Variants in PPFIA2 observed in about 807,000 individuals in gnomAD.
The protein encoded by PPFIA2 is PPFI scaffold protein A2.
Under a neutral mutation model 175.5 loss-of-function variants are expected in PPFIA2, and 46 were observed. That is an observed-to-expected ratio of 0.26 (90% CI 0.21 to 0.34). The LOEUF is 0.34. Among genes scored for constraint, PPFIA2 ranks in the 10% least tolerant of loss-of-function variants. The pLI is 1.00. For missense variants in PPFIA2, 1,179 were observed against 1,506.1 expected (o/e 0.78, Z 3.60); for synonymous variants, 568 against 511.4 (o/e 1.11, Z -1.49).
intron 4 of PPFIA2, among the ~76,000 whole-genome samples, chr12:81,663,237 G>A (rs1269015346): frequency 6.6e-6 from 1 of 152,176 alleles, no homozygotes. Flanking sequence ...TAGGAAAAGA[G>A]GAAGTCAAAT....
intron 4 of PPFIA2, among the ~76,000 whole-genome samples, chr12:81,533,972 G>C (rs1440950830): frequency 6.6e-6 from 1 of 151,324 alleles, no homozygotes; most frequent in African/African-American, 2.4e-5. Context: ...ATACACAATA[G>C]AATACAATTT....
At chr12:81,715,037 T>C (rs1270058170) in intron 3 of PPFIA2, among the ~76,000 whole-genome samples, 1 of 151,012 alleles carries the variant, frequency 6.6e-6, no homozygotes, top group Non-Finnish European at 1.5e-5. Flanking sequence ...AAACTCCCTA[T>C]GTCATTCTTC....
chr12:81,750,727 A>G (rs1413883800), intron 3 of PPFIA2, among the ~76,000 whole-genome samples: 1 of 152,204 alleles, frequency 6.6e-6, no homozygotes, highest in Non-Finnish European at 1.5e-5. Flanking sequence ...ATTGTTAAAA[A>G]TTATTGTTGC....
intron 4 of PPFIA2, among the ~76,000 whole-genome samples, chr12:81,533,583 G>T (rs1163269950): frequency 6.6e-6 from 1 of 151,370 alleles, no homozygotes; most frequent in African/African-American, 2.4e-5. Flanking sequence ...TGCAAAAATT[G>T]CTCTGAATAA....
chr12:81,317,883 T>C (rs1328069536), intron 22 of PPFIA2, among the ~76,000 whole-genome samples: 1 of 151,680 alleles, frequency 6.6e-6, no homozygotes, highest in Non-Finnish European at 1.5e-5. Flanking sequence ...GTTCAAACTC[T>C]CAGCCAAAAG....
At chr12:81,744,045 GT>G (rs1265612399) in intron 3 of PPFIA2, among the ~76,000 whole-genome samples, 1 of 152,108 alleles carries the variant, frequency 6.6e-6, no homozygotes, top group African/African-American at 2.4e-5. Context: ...TAATTCTTTT[GT>G]ATGTAAGACA....
At chr12:81,354,634 C>A (rs2060581971) in intron 16 of PPFIA2, among the ~76,000 whole-genome samples, 3 of 151,150 alleles carry the variant, frequency 2.0e-5, no homozygotes, top group Non-Finnish European at 1.5e-5. Flanking sequence ...GTCTTCTTAA[C>A]TCTTATTAAG....
Position 81,602,569 on chromosome 12 carries a change from G to A in PPFIA2, c.303+74222C>T, listed in dbSNP as rs192462373. Among the ~76,000 whole-genome samples, 26 of 151,848 alleles carry A rather than the reference G, an allele frequency of 1.7e-4. No homozygotes were observed. The East Asian group carries it at 3.5e-3, about 20-fold the overall frequency. On this transcript the variant is annotated intron_variant, in intron 4 of 32. Transcript: ENST00000549396. ...AAATACCTTGATTAAATCAACCTCC[G>A]ATTTTGTTGAAAGCTAACAACCAGA... is the stretch of plus-strand genomic sequence containing the variant.
intron 4 of PPFIA2, among the ~76,000 whole-genome samples, chr12:81,639,868 C>T (rs747167929): frequency 1.5e-4 from 23 of 152,046 alleles, no homozygotes; most frequent in Admixed American, 2.0e-4. Flanking sequence ...GTGAGCCATA[C>T]AGGAAAGAAT....
rs941123166 is a variant in PPFIA2 at position 81,600,001 on chromosome 12, C to A, written c.303+76790G>T. On this transcript the variant is annotated intron_variant, in intron 4 of 32. Coordinates refer to ENST00000549396, the MANE Select transcript of PPFIA2 (RefSeq NM_003625.5). ...CAGATAACATTATTAATGATGTCAA[C>A]CTTTGTCATTTGACAAACAAAGTTT... Among the ~76,000 whole-genome samples, 8 of 151,910 alleles carry A rather than the reference C, an allele frequency of 5.3e-5. No homozygotes were observed. The East Asian group carries it at 1.5e-3, about 29-fold the overall frequency.
chr12:81,700,584 A>G (rs1205362722), intron 3 of PPFIA2, among the ~76,000 whole-genome samples: 1 of 152,126 alleles, frequency 6.6e-6, no homozygotes, highest in Non-Finnish European at 1.5e-5. Flanking sequence ...TGTGTTTCCA[A>G]ACAATTTTCT....
intron 14 of PPFIA2, 33 bp downstream of exon 14, chr12:81,367,075 A>C: frequency 6.9e-7 from 1 of 1,453,470 alleles, no homozygotes; most frequent in Non-Finnish European, 9.1e-7. Flanking sequence ...ATAAAAATAG[A>C]AAATGGGCCC....
intron 4 of PPFIA2, among the ~76,000 whole-genome samples, chr12:81,645,312 C>A (rs2065914150): frequency 6.6e-6 from 1 of 151,890 alleles, no homozygotes; most frequent in Non-Finnish European, 1.5e-5. Context: ...CTGTCTGGTC[C>A]CTCAGTTCCT....
chr12:81,288,011 A>AT (rs535606320), intron 24 of PPFIA2, among the ~76,000 whole-genome samples: 206 of 151,918 alleles, frequency 1.4e-3, no homozygotes, highest in Non-Finnish European at 2.4e-3. Flanking sequence ...ACCAATAGTC[A>AT]TTTTTTTGTG....
intron 4 of PPFIA2, among the ~76,000 whole-genome samples, chr12:81,634,729 C>T (rs1048966649): frequency 6.6e-6 from 1 of 151,972 alleles, no homozygotes; most frequent in Non-Finnish European, 1.5e-5. Flanking sequence ...TTTGCTTCAA[C>T]CATTAAACAT....
intron 28 of PPFIA2, among the ~76,000 whole-genome samples, chr12:81,273,429 T>C (rs2136521292): frequency 6.6e-6 from 1 of 152,274 alleles, no homozygotes; most frequent in South Asian, 2.1e-4. Flanking sequence ...TCATAACCTC[T>C]CAAGTCTTGT....
At chr12:81,311,732 C>CAAAAAAAAA (rs1050904857) in intron 22 of PPFIA2, among the ~76,000 whole-genome samples, 2 of 48,322 alleles carry the variant, frequency 4.1e-5, no homozygotes, top group African/African-American at 1.7e-4. Context: ...GACTCTGTCT[C>CAAAAAAAAA]AAAAAAAAAA....
intron 21 of PPFIA2, among the ~76,000 whole-genome samples, chr12:81,329,658 A>C (rs2139966946): frequency 6.6e-6 from 1 of 152,248 alleles, no homozygotes; most frequent in South Asian, 2.1e-4. Flanking sequence ...GACTCCATAG[A>C]TGCGACTCAC....
chr12:81,574,823 A>G (rs1486350345), intron 4 of PPFIA2, among the ~76,000 whole-genome samples: 1 of 151,822 alleles, frequency 6.6e-6, no homozygotes, highest in Non-Finnish European at 1.5e-5. Flanking sequence ...ACTCTTACAG[A>G]TGCAAAGTTT....
Sources: gnomAD v4.1 joint callset for allele counts (sites outside exome capture counted in the v4.1 genomes callset) on GRCh38, gnomAD v4.1.1 for gene constraint, MANE v1.5 for transcripts, NCBI Gene and HGNC (gene_info 2026-07-23, HGNC 2026-07-21) for gene names.